Variants in COBLL1 observed in about 807,000 individuals in gnomAD.
The protein encoded by COBLL1 is cordon-bleu WH2 repeat protein like 1, also known as cordon-bleu protein-like 1.
Under a neutral mutation model 94.8 loss-of-function variants are expected in COBLL1, and 50 were observed. That is an observed-to-expected ratio of 0.53 (90% CI 0.42 to 0.67). COBLL1 has a LOEUF of 0.67. Ranked by LOEUF, COBLL1 falls within the 30% of genes least tolerant of loss-of-function variation. The pLI, the probability that COBLL1 is intolerant of heterozygous loss-of-function variation, is 0.00. For missense variants in COBLL1, 1,362 were observed against 1,348.7 expected, an observed-to-expected ratio of 1.01 and a Z score of -0.15; for synonymous variants, 448 against 473.8, an observed-to-expected ratio of 0.95 and a Z score of 0.71.
chr2:164,715,267 C>T (rs1411745945), intron 7 of COBLL1, among the ~76,000 whole-genome samples: 1 of 152,034 alleles, frequency 6.6e-6, no homozygotes, highest in Non-Finnish European at 1.5e-5. Flanking sequence ...CTGAATGAAA[C>T]CAGTCATATT....
intron 11 of COBLL1, chr2:164,696,523 T>C (rs140488636): frequency 5.9e-5 from 9 of 152,296 alleles, no homozygotes; most frequent in African/African-American, 2.2e-4. Context: ...AAATCAGTCA[T>C]AATGGTTTTG....
chr2:164,753,739 A>AT (rs71393637), intron 2 of COBLL1, among the ~76,000 whole-genome samples: 32,621 of 138,574 alleles, frequency 0.24, 4,259 homozygotes, highest in African/African-American at 0.36. Flanking sequence ...GAGTATGGGA[A>AT]TTTTTTTTTT....
At chr2:164,732,221 A>G (rs918531502) in intron 3 of COBLL1, among the ~76,000 whole-genome samples, 16 of 152,194 alleles carry the variant, frequency 1.1e-4, no homozygotes, top group Admixed American at 7.9e-4. Context: ...ATACATTTCA[A>G]TTCTCAAAAT....
chr2:164,838,392 T>A (rs1460418833), intron 2 of COBLL1, among the ~76,000 whole-genome samples: 1 of 152,266 alleles, frequency 6.6e-6, no homozygotes, highest in Non-Finnish European at 1.5e-5. Flanking sequence ...AATGGGCTAA[T>A]TTATCATAGA....
chr2:164,676,618 G>C (rs1691340247), downstream of COBLL1, among the ~76,000 whole-genome samples: 1 of 151,706 alleles, frequency 6.6e-6, no homozygotes, highest in South Asian at 2.1e-4. Context: ...TCATATTTCA[G>C]TCCTCTCTCA....
intron 2 of COBLL1, among the ~76,000 whole-genome samples, chr2:164,762,818 T>TCCC (rs1687748566): frequency 6.6e-6 from 1 of 150,786 alleles, no homozygotes; most frequent in Non-Finnish European, 1.5e-5. Context: ...TGCCTCAGCC[T>TCCC]CCCGAGTAGC....
intron 2 of COBLL1, among the ~76,000 whole-genome samples, chr2:164,813,985 C>T (rs1165536529): frequency 2.0e-5 from 3 of 152,128 alleles, no homozygotes; most frequent in Non-Finnish European, 4.4e-5. Flanking sequence ...AAGAAAACGG[C>T]ACATCCTTCA....
intron 7 of COBLL1, among the ~76,000 whole-genome samples, chr2:164,709,903 A>C (rs1684797002): frequency 6.6e-6 from 1 of 152,176 alleles, no homozygotes; most frequent in Non-Finnish European, 1.5e-5. Context: ...AGTCGTGCAA[A>C]GGCAAGAGTT....
At chr2:164,720,415 A>T (rs1161948003) in intron 7 of COBLL1, among the ~76,000 whole-genome samples, 2 of 152,172 alleles carry the variant, frequency 1.3e-5, no homozygotes, top group Non-Finnish European at 2.9e-5. Context: ...GAAAGACAAC[A>T]TAGACCTCTT....
intron 2 of COBLL1, among the ~76,000 whole-genome samples, chr2:164,802,854 G>C (rs1683881217): frequency 6.6e-6 from 1 of 152,036 alleles, no homozygotes; most frequent in Non-Finnish European, 1.5e-5. Context: ...AGAGAGGGAG[G>C]AAGGAAGGGG....
downstream of COBLL1, among the ~76,000 whole-genome samples, chr2:164,678,986 C>T (rs561688214): frequency 1.3e-5 from 2 of 152,270 alleles, no homozygotes; most frequent in South Asian, 2.1e-4. Context: ...TATGCATGCC[C>T]TCAGAGTCTT....
chr2:164,839,842 T>C (rs1574684263), intron 2 of COBLL1, among the ~76,000 whole-genome samples: 2 of 152,302 alleles, frequency 1.3e-5, no homozygotes, highest in Middle Eastern at 6.8e-3. Flanking sequence ...TATGAAAATA[T>C]TTAAGCAATG....
Position 164,772,453 on chromosome 2 carries a change from T to C in COBLL1, c.42-28578A>G, listed in dbSNP as rs1474488105. On this transcript the variant is annotated intron_variant, in intron 2 of 13. Coordinates refer to ENST00000652658, the MANE Select transcript of COBLL1 (RefSeq NM_001365672.2). ...TTCACATTTTAGATACATCTGATAA[T>C]AGCAAGTAGATTTTTAATTTGAACA... 1.5e-4 allele frequency among the ~76,000 whole-genome samples: 23 copies of C among 152,036 alleles called. 1 individual carries two copies. Among genetic ancestry groups the C allele is most frequent in the Admixed American group, 1.5e-3 (23 of 15,248 alleles).
intron 3 of COBLL1, among the ~76,000 whole-genome samples, chr2:164,742,181 G>A (rs979703287): frequency 6.6e-6 from 1 of 151,868 alleles, no homozygotes; most frequent in Admixed American, 6.6e-5. Flanking sequence ...AGTCACTGAG[G>A]TTTAAAAAAC....
At chr2:164,660,962 G>C (rs1691060978) in intron 2 of COBLL1, among the ~76,000 whole-genome samples, 1 of 152,054 alleles carries the variant, frequency 6.6e-6, no homozygotes, top group Non-Finnish European at 1.5e-5. Flanking sequence ...ATTGATTTTA[G>C]ATAGTATTTT....
chr2:164,719,463 G>C (rs1685340582), intron 7 of COBLL1, among the ~76,000 whole-genome samples: 1 of 152,194 alleles, frequency 6.6e-6, no homozygotes, highest in Non-Finnish European at 1.5e-5. Flanking sequence ...CTGAAATCAA[G>C]GTGTTGGCGG....
intron 2 of COBLL1, among the ~76,000 whole-genome samples, chr2:164,813,212 A>T (rs980848340): frequency 7.9e-5 from 12 of 152,110 alleles, no homozygotes; most frequent in Non-Finnish European, 1.2e-4. Flanking sequence ...TTAAACCACA[A>T]CAGAACAATA....
At chr2:164,690,248 G>A (rs1401024922) in intron 13 of COBLL1, among the ~76,000 whole-genome samples, 1 of 152,032 alleles carries the variant, frequency 6.6e-6, no homozygotes, top group Non-Finnish European at 1.5e-5. Context: ...TAGATACTAT[G>A]TCCATTTTTA....
chr2:164,712,911 T>C (rs926105218), intron 7 of COBLL1, among the ~76,000 whole-genome samples: 1 of 152,162 alleles, frequency 6.6e-6, no homozygotes, highest in Non-Finnish European at 1.5e-5. Flanking sequence ...TATGTGTATC[T>C]TTTTACACCT....
Sources: allele counts gnomAD v4.1 joint callset (sites outside exome capture counted in the v4.1 genomes callset), GRCh38; gene constraint gnomAD v4.1.1; transcripts MANE v1.5; gene names NCBI Gene and HGNC (gene_info 2026-07-23, HGNC 2026-07-21).